The following CPEB3 variants were observed in gnomAD, a reference collection of about 807,000 sequenced individuals.
CPEB3 encodes cytoplasmic polyadenylation element binding protein 3.
In CPEB3, 20 loss-of-function variants were observed where a neutral mutation model predicts 67.2. The ratio of observed to expected loss-of-function variants is 0.30; its 90% confidence interval spans 0.21 to 0.43. CPEB3 has a LOEUF of 0.43. Among genes scored for constraint, CPEB3 ranks in the 20% least tolerant of loss-of-function variants. The probability of loss-of-function intolerance (pLI) is 1.00; values close to 1 mark genes in which losing one functional copy is unlikely to be tolerated. For synonymous variants in CPEB3, 376 were observed against 393.1 expected (o/e 0.96, Z 0.51); for missense variants, 746 against 968.6 (o/e 0.77, Z 3.05).
At chr10:92,084,469 T>C (rs944509236) in intron 8 of CPEB3, among the ~76,000 whole-genome samples, 1 of 152,172 alleles carries the variant, frequency 6.6e-6, no homozygotes, top group Admixed American at 6.5e-5. Flanking sequence ...GAAGGGCAAT[T>C]TGTTGAGAAG....
intron 3 of CPEB3, among the ~76,000 whole-genome samples, chr10:92,187,301 C>G (rs1408424026): frequency 1.3e-5 from 2 of 152,200 alleles, no homozygotes. Context: ...AAAAGCAAAG[C>G]TTTCAATAAC....
intron 1 of CPEB3, among the ~76,000 whole-genome samples, chr10:92,285,050 G>A (rs769680876): frequency 1.3e-5 from 2 of 152,188 alleles, no homozygotes; most frequent in Non-Finnish European, 2.9e-5. Flanking sequence ...CCTTCCTGCT[G>A]CACCATAATA....
chr10:92,088,512 G>A (rs898258972), intron 8 of CPEB3, among the ~76,000 whole-genome samples: 13 of 151,922 alleles, frequency 8.6e-5, no homozygotes, highest in Non-Finnish European at 1.5e-5. Flanking sequence ...GCTTAAAATA[G>A]GTTGCCTTTT....
At chr10:92,260,311 G>A (rs571299006) in intron 1 of CPEB3, among the ~76,000 whole-genome samples, 152 of 152,230 alleles carry the variant, frequency 1.0e-3, no homozygotes, top group Admixed American at 2.0e-3. Flanking sequence ...AGCACTTTGG[G>A]AGGCAGAGGC....
chr10:92,059,943 G>A (rs1168199301), intron 9 of CPEB3, among the ~76,000 whole-genome samples: 10 of 136,976 alleles, frequency 7.3e-5, no homozygotes, highest in South Asian at 4.6e-4. Flanking sequence ...GCGACAGAGC[G>A]AGACTCCTCA....
intron 2 of CPEB3, among the ~76,000 whole-genome samples, chr10:92,232,578 G>A (rs1851322844): frequency 6.6e-6 from 1 of 151,380 alleles, no homozygotes; most frequent in African/African-American, 2.4e-5. Context: ...CCAACATAGT[G>A]AAACCCCGTC....
chr10:92,171,579 A>G (rs1420757866), intron 4 of CPEB3, among the ~76,000 whole-genome samples: 1 of 152,204 alleles, frequency 6.6e-6, no homozygotes, highest in Non-Finnish European at 1.5e-5. Context: ...GGGGGGTAGA[A>G]TAGGGAAGAA....
At chr10:92,211,335 T>A (rs1225681595) in intron 2 of CPEB3, among the ~76,000 whole-genome samples, 2 of 152,196 alleles carry the variant, frequency 1.3e-5, no homozygotes, top group Non-Finnish European at 2.9e-5. Context: ...TTATAGATTA[T>A]ATCTCTGTAT....
chr10:92,112,126 CTT>C (rs201432910), intron 6 of CPEB3, among the ~76,000 whole-genome samples: 172 of 122,022 alleles, frequency 1.4e-3, no homozygotes, highest in African/African-American at 4.8e-3. Context: ...GACCACGTTC[CTT>C]TTTTTTTTTT....
chr10:92,263,069 C>T (rs970650607), intron 1 of CPEB3, among the ~76,000 whole-genome samples: 5 of 151,998 alleles, frequency 3.3e-5, no homozygotes, highest in South Asian at 2.1e-4. Flanking sequence ...AGCACTCGGC[C>T]GAAAGCATTT....
intron 2 of CPEB3, among the ~76,000 whole-genome samples, chr10:92,229,612 T>C (rs1024197801): frequency 1.3e-5 from 2 of 152,218 alleles, no homozygotes; most frequent in Non-Finnish European, 2.9e-5. Flanking sequence ...TCTACACATA[T>C]GAAGTCACAG....
At chr10:92,092,654 C>T (rs945078812) in intron 7 of CPEB3, among the ~76,000 whole-genome samples, 9 of 152,058 alleles carry the variant, frequency 5.9e-5, no homozygotes, top group Non-Finnish European at 8.8e-5. Flanking sequence ...GTGGCTCACG[C>T]CTGTAGTCCC....
Position 92,130,676 on chromosome 10 carries a change from C to T in CPEB3, c.1453+12353G>A, listed in dbSNP as rs552865239. Reference sequence around the variant, plus strand: ...GTGGCTTTTTTTTTTTTTTTTGCCACCAACTGAGGTCTATCTATGTGGATT... The same window carrying T: ...GTGGCTTTTTTTTTTTTTTTTGCCATCAACTGAGGTCTATCTATGTGGATT... On this transcript the variant is annotated intron_variant, in intron 6 of 9. Coordinates refer to ENST00000265997, the MANE Select transcript of CPEB3 (RefSeq NM_014912.5). Among the ~76,000 whole-genome samples the T allele has an allele frequency of 3.9e-3, 581 of 149,708 alleles. 2 individuals are homozygous for T. Among genetic ancestry groups the T allele is most frequent in the South Asian group, 0.015 (72 of 4,722 alleles).
chr10:92,105,482 T>C lies in CPEB3; in HGVS notation c.1572+5594A>G, dbSNP rs914689203. 5.3e-5 allele frequency among the ~76,000 whole-genome samples: 8 copies of C among 152,192 alleles called. No individual in the cohort carries two copies. In the East Asian group the frequency reaches 1.5e-3, roughly 29 times the overall value. ...CTTTCTCTGAAATTTTTATTCCCTA[T>C]ACTTCCACCCTTCTCTTGGCCAACT... On this transcript the variant is annotated intron_variant, in intron 7 of 9. Coordinates refer to ENST00000265997, the MANE Select transcript of CPEB3 (RefSeq NM_014912.5).
chr10:92,239,786 G>A lies in CPEB3; in HGVS notation c.565C>T (p.Gln189Ter). 1 of 1,410,628 alleles carries A rather than the reference G, an allele frequency of 7.1e-7. No homozygotes were observed. The allele number at this position is 1,410,628 out of a possible 1,614,324, so 87.4% of individuals were successfully genotyped here. A position where few individuals can be genotyped will look rare whatever the true frequency, so the allele number is the denominator to read the frequency against. ...AQPPQAQPPQ[Q>*]RRSPASPSQA... ...CTGGGGCTGGCGGGTGAGCGGCGCT[G>A]CTGCGGGGGCTGCGCCTGTGGTGGC... Residue 189 changes from glutamine to a stop codon, truncating the protein, a stop_gained, in exon 2 of 10, where the codon CAG (glutamine) becomes TAG (stop). Transcript: ENST00000265997. LOFTEE classifies it high-confidence loss of function. The surrounding 1 kb of genome is among the most constrained non-coding windows in gnomAD (Gnocchi z 6.0).
chr10:92,090,271 T>C (rs1590111813), intron 8 of CPEB3, among the ~76,000 whole-genome samples: 1 of 152,232 alleles, frequency 6.6e-6, no homozygotes. Context: ...CTGGGCGTGG[T>C]GGCTCACGCC....
chr10:92,108,323 A>C (rs1197595333), intron 7 of CPEB3, among the ~76,000 whole-genome samples: 1 of 152,254 alleles, frequency 6.6e-6, no homozygotes, highest in Non-Finnish European at 1.5e-5. Context: ...GCTACTGCCA[A>C]GGTCCTCATT....
At chr10:92,245,197 G>C (rs1002997161) in intron 1 of CPEB3, among the ~76,000 whole-genome samples, 1 of 148,346 alleles carries the variant, frequency 6.7e-6, no homozygotes. Context: ...GAGTGCAGTG[G>C]TGTGATCTCG....
chr10:92,059,156 G>A (rs751063806), intron 9 of CPEB3, among the ~76,000 whole-genome samples: 2 of 151,612 alleles, frequency 1.3e-5, no homozygotes, highest in Non-Finnish European at 2.9e-5. Flanking sequence ...GTGAAACCCC[G>A]TCTCTACTAA....
Sources: allele counts gnomAD v4.1 joint callset (sites outside exome capture counted in the v4.1 genomes callset), GRCh38; gene constraint gnomAD v4.1.1; non-coding constraint Gnocchi (gnomAD v3.1); transcripts MANE v1.5; gene names NCBI Gene and HGNC (gene_info 2026-07-23, HGNC 2026-07-21).